The following SPHKAP variants were observed in gnomAD, a reference collection of about 807,000 sequenced individuals.
SPHKAP encodes the protein A-kinase anchor protein SPHKAP.
SPHKAP carries 67 observed loss-of-function variants against 137.5 expected under a neutral mutation model. The ratio of observed to expected loss-of-function variants is 0.49; its 90% confidence interval spans 0.40 to 0.60. The LOEUF is 0.60. SPHKAP is among the 20% of genes least tolerant of loss of function. The pLI is 0.00. For synonymous variants in SPHKAP, 813 were observed against 785.3 expected, an observed-to-expected ratio of 1.04 and a Z score of -0.59; for missense variants, 2,097 against 2,069.3, an observed-to-expected ratio of 1.01 and a Z score of -0.26.
chr2:228,019,184 G>A lies in SPHKAP; in HGVS notation c.1670C>T (p.Ala557Val). ...PSINEYSFPS[A>V]LCGMTQVASA... ...GGCCACCTGAGTCATGCCACACAAA[G>A]CAGATGGAAAGGAGTACTCATTGAT... is the stretch of plus-strand genomic sequence containing the variant. Residue 557 changes from alanine to valine, a missense_variant, in exon 7 of 12, where the codon GCT (alanine) becomes GTT (valine). Physicochemically the swap from Ala to Val is moderately conservative, Grantham distance 64. Transcript: ENST00000392056. The A allele has an allele frequency of 6.2e-7, 1 of 1,613,712 alleles. No individual in the cohort carries two copies. The highest frequency in any genetic ancestry group is 1.1e-5 in the South Asian group (1 of 91,072).
chr2:227,998,398 C>T (rs751165398), intron 7 of SPHKAP, among the ~76,000 whole-genome samples: 1 of 152,182 alleles, frequency 6.6e-6, no homozygotes, highest in Non-Finnish European at 1.5e-5. Context: ...GGAAATTTGT[C>T]TGCAGACTAC....
chr2:228,019,813 G>C lies in SPHKAP; in HGVS notation c.1041C>G (p.Ser347=), dbSNP rs536567035. ...CAGAAGGTACATCTTTATCCATCAT[G>C]GAGAAATAAGCATCTTTTGGAATAT... is the stretch of plus-strand genomic sequence containing the variant. ...ALYIPKDAYF[S]MMDKDVPSAC... Residue 347 remains serine (S), a synonymous_variant, in exon 7 of 12, where the codon TCC becomes TCG. Transcript: ENST00000392056. 6 of 1,614,084 alleles carry C rather than the reference G, an allele frequency of 3.7e-6. No individual in the cohort carries two copies. The South Asian group carries it at 6.6e-5, about 18-fold the overall frequency.
chr2:227,993,427 A>G (rs1693494053), intron 9 of SPHKAP, 107 bp downstream of exon 9: 1 of 984,360 alleles, frequency 1.0e-6, no homozygotes, highest in Non-Finnish European at 1.6e-6. Flanking sequence ...ACAGCAGTAC[A>G]GACATGATGA....
chr2:227,985,687 G>C (rs906970716), intron 11 of SPHKAP, among the ~76,000 whole-genome samples: 5 of 152,140 alleles, frequency 3.3e-5, no homozygotes, highest in African/African-American at 9.7e-5. Context: ...CTATATGATG[G>C]TATATCATCT....
chr2:228,142,306 C>G (rs530327946), intron 1 of SPHKAP, among the ~76,000 whole-genome samples: 4 of 150,142 alleles, frequency 2.7e-5, no homozygotes, highest in African/African-American at 1.0e-4. Context: ...AATTTTGTTG[C>G]TCTCTGAAAT....
chr2:228,012,184 A>G (rs1228806524), intron 7 of SPHKAP, among the ~76,000 whole-genome samples: 1 of 110,052 alleles, frequency 9.1e-6, no homozygotes, highest in South Asian at 2.5e-4. Context: ...AAAAAAAAAA[A>G]AAAAGAAAGA....
At chr2:228,079,777 T>C (rs1697302179) in intron 3 of SPHKAP, among the ~76,000 whole-genome samples, 1 of 152,066 alleles carries the variant, frequency 6.6e-6, no homozygotes, top group South Asian at 2.1e-4. Context: ...ACAAACCTAA[T>C]CATCAGGTTC....
chr2:228,061,203 C>G (rs915967114), intron 3 of SPHKAP, among the ~76,000 whole-genome samples: 1 of 152,158 alleles, frequency 6.6e-6, no homozygotes, highest in African/African-American at 2.4e-5. Flanking sequence ...ATGGCAGGAT[C>G]GGGGATAAGA....
At chr2:228,073,654 C>T (rs533851626) in intron 3 of SPHKAP, among the ~76,000 whole-genome samples, 12 of 152,246 alleles carry the variant, frequency 7.9e-5, no homozygotes, top group African/African-American at 2.4e-4. Context: ...CAACCTTTTC[C>T]GAATTAAATC....
intron 1 of SPHKAP, among the ~76,000 whole-genome samples, chr2:228,162,067 G>A (rs1700291254): frequency 6.6e-6 from 1 of 152,168 alleles, no homozygotes; most frequent in South Asian, 2.1e-4. Flanking sequence ...CTAGGAATTT[G>A]CTTTGTTTTT....
At chr2:228,124,920 A>G (rs190219000) in intron 2 of SPHKAP, among the ~76,000 whole-genome samples, 3 of 152,186 alleles carry the variant, frequency 2.0e-5, no homozygotes, top group Non-Finnish European at 4.4e-5. Context: ...GTCATTCTTC[A>G]GGTATATCTT....
intron 7 of SPHKAP, among the ~76,000 whole-genome samples, chr2:228,012,903 C>G (rs1446128225): frequency 6.6e-6 from 1 of 152,084 alleles, no homozygotes; most frequent in Non-Finnish European, 1.5e-5. Context: ...ATTCTTTTAT[C>G]AAAAAAGTAA....
rs1694667933 is a variant in SPHKAP at position 228,017,820 on chromosome 2, C to T, written c.3034G>A (p.Glu1012Lys). ...CTGTTCATCAGCTTTTCTTTAAGCTCAGGGTGCTCGTCCGTCTTCCTCTTG... is the reference window on the plus strand; with the variant it reads ...CTGTTCATCAGCTTTTCTTTAAGCTTAGGGTGCTCGTCCGTCTTCCTCTTG... ...EIKRKTDEHP[E>K]LKEKLMNRVV... The change falls in exon 7 of 12, where the codon GAG becomes AAG. Residue 1012 changes from glutamate to lysine, a missense_variant. Glu to Lys is a moderately conservative substitution (Grantham distance 56). Coordinates refer to ENST00000392056, the MANE Select transcript of SPHKAP (RefSeq NM_001142644.2). The T allele has an allele frequency of 6.2e-7, 1 of 1,614,138 alleles. No individual in the cohort carries two copies. Among genetic ancestry groups the T allele is most frequent in the Admixed American group, 1.7e-5 (1 of 60,022 alleles).
intron 2 of SPHKAP, chr2:228,131,463 G>C (rs1699246726): frequency 4.3e-6 from 1 of 233,462 alleles, no homozygotes; most frequent in Admixed American, 6.8e-5. Context: ...AAGGGTTTTT[G>C]CAAGTATCTT....
At chr2:228,142,379 G>T (rs778887934) in intron 1 of SPHKAP, among the ~76,000 whole-genome samples, 1 of 152,154 alleles carries the variant, frequency 6.6e-6, no homozygotes, top group Non-Finnish European at 1.5e-5. Context: ...GGCTAAGGCC[G>T]GAGAATGGCG....
intron 1 of SPHKAP, among the ~76,000 whole-genome samples, chr2:228,174,060 T>C (rs1224356075): frequency 6.6e-6 from 1 of 152,238 alleles, no homozygotes. Context: ...CTTTAGTGTC[T>C]GAATTCTTAG....
chr2:228,026,674 A>C (rs1222366131), intron 4 of SPHKAP, among the ~76,000 whole-genome samples: 1 of 152,128 alleles, frequency 6.6e-6, no homozygotes, highest in African/African-American at 2.4e-5. Context: ...TTGTATGTGT[A>C]ATTTCTTTTG....
At chr2:228,036,214 T>G (rs1396755584) in intron 3 of SPHKAP, among the ~76,000 whole-genome samples, 2 of 151,060 alleles carry the variant, frequency 1.3e-5, no homozygotes, top group Admixed American at 1.3e-4. Flanking sequence ...CATCAAAAAG[T>G]GGGCAAAGGA....
intron 3 of SPHKAP, among the ~76,000 whole-genome samples, chr2:228,092,428 T>C (rs200886030): frequency 1.7e-5 from 2 of 120,908 alleles, no homozygotes; most frequent in East Asian, 4.8e-4. Context: ...TATATACATA[T>C]ATGTATATAT....
Sources: gnomAD v4.1 joint callset for allele counts (sites outside exome capture counted in the v4.1 genomes callset) on GRCh38, gnomAD v4.1.1 for gene constraint, MANE v1.5 for transcripts, NCBI Gene and HGNC (gene_info 2026-07-23, HGNC 2026-07-21) for gene names.